PRPF19: variants seen among roughly 807,000 people sequenced by gnomAD.
The protein encoded by PRPF19 is pre-mRNA-processing factor 19.
PRPF19 carries 2 observed loss-of-function variants against 64.2 expected under a neutral mutation model. The observed-to-expected ratio is 0.03, with a 90% confidence interval of 0.01 to 0.10. The LOEUF (loss-of-function observed/expected upper bound fraction) is 0.10. PRPF19 is among the 10% of genes least tolerant of loss of function. The pLI is 1.00. For missense variants in PRPF19, 314 were observed against 650.0 expected, an observed-to-expected ratio of 0.48 and a Z score of 5.62; for synonymous variants, 226 against 251.6, an observed-to-expected ratio of 0.90 and a Z score of 0.96.
At chr11:60,903,379 T>C (rs1222294457) in intron 3 of PRPF19, 80 bp downstream of exon 3, 1 of 1,406,352 alleles carries the variant, frequency 7.1e-7, no homozygotes, top group Non-Finnish European at 9.8e-7. Flanking sequence ...TAATGCTCCA[T>C]CCTTCCTACC....
intron 15 of PRPF19, 49 bp from the exon 16 acceptor site, chr11:60,891,312 G>A: frequency 7.4e-7 from 1 of 1,345,830 alleles, no homozygotes; most frequent in Non-Finnish European, 1.1e-6. Flanking sequence ...TCCTCCTTTA[G>A]TCTGAACACT....
chr11:60,895,592 T>G (rs1375690237), intron 15 of PRPF19, among the ~76,000 whole-genome samples: 1 of 152,224 alleles, frequency 6.6e-6, no homozygotes, highest in African/African-American at 2.4e-5. Context: ...CACTTTTAAT[T>G]TCCTTCAAGA....
Position 60,898,239 on chromosome 11 carries a change from G to C in PRPF19, c.1173C>G (p.His391Gln), listed in dbSNP as rs568382090. The change falls in exon 14 of 16, where the codon CAC becomes CAG. Residue 391 changes from histidine to glutamine, a missense_variant. Coordinates refer to ENST00000227524, the MANE Select transcript of PRPF19 (RefSeq NM_014502.5). The surrounding 1 kb of genome is among the most constrained non-coding windows in gnomAD (Gnocchi z 4.6). ...AGGCGATGCTAGTGATGGGGCCCGA[G>C]TGGCCAGGGAAGTTGGCCACATTAG... ...ERTNVANFPG[H>Q]SGPITSIAFS... 1 of 1,614,046 alleles carries C rather than the reference G, an allele frequency of 6.2e-7. No homozygotes were observed. The highest frequency in any genetic ancestry group is 8.5e-7 in the Non-Finnish European group (1 of 1,180,040).
rs368174610 is a variant in PRPF19, at chr11:60,902,901, T to C, written c.247-20A>G. On this transcript the variant is annotated intron_variant, in intron 3 of 15. Transcript: ENST00000227524. The surrounding 1 kb of genome is among the most constrained non-coding windows in gnomAD (Gnocchi z 5.0). ...TGCATCCTGGGAGAAGCAAATATCA[T>C]TGTAAGGTGAGGTGGGGGGTGCAGG... is the stretch of plus-strand genomic sequence containing the variant. 169 of 1,611,134 alleles carry C rather than the reference T, an allele frequency of 1.0e-4. No individual in the cohort carries two copies. In the African/African-American group the frequency reaches 2.0e-3, roughly 19 times the overall value.
rs2134861010 is a variant in PRPF19 at position 60,898,511 on chromosome 11, G to A, written c.1140+30C>T. 1.2e-6 allele frequency: 2 copies of A among 1,613,822 alleles called. No individual in the cohort carries two copies. The highest frequency in any genetic ancestry group is 3.3e-5 in the Admixed American group (2 of 60,016). ...GTCACAAACACTCCCTCTGGCCCTG[G>A]GCCTCAGATGGAGGCCTACCATGTC... On this transcript the variant is annotated intron_variant, in intron 13 of 15. Transcript: ENST00000227524. The surrounding 1 kb of genome is among the most constrained non-coding windows in gnomAD (Gnocchi z 4.6).
chr11:60,901,614 T>C, intron 6 of PRPF19, 74 bp from the exon 7 acceptor site: 1 of 1,557,246 alleles, frequency 6.4e-7, no homozygotes, highest in Non-Finnish European at 8.8e-7. Flanking sequence ...TGGTCACACC[T>C]GTGCTTTCAA....
chr11:60,898,318 A>T lies in PRPF19; in HGVS notation c.1141-47T>A. On this transcript the variant is annotated intron_variant, in intron 13 of 15. Transcript: ENST00000227524. This position sits in a 1 kb window ranked among gnomAD's most constrained non-coding sequence, Gnocchi z 4.6. Reference sequence around the variant, plus strand: ...AAATACGTCACCCACAGATCATGAGAGGAAGAAAATGGGGCTCACCAAACT... The same window carrying T: ...AAATACGTCACCCACAGATCATGAGTGGAAGAAAATGGGGCTCACCAAACT... The T allele has an allele frequency of 6.3e-7, 1 of 1,595,046 alleles. No individual in the cohort carries two copies. Among genetic ancestry groups the T allele is most frequent in the South Asian group, 1.1e-5 (1 of 88,908 alleles).
chr11:60,893,806 T>A (rs1303303683), intron 15 of PRPF19, among the ~76,000 whole-genome samples: 2 of 151,774 alleles, frequency 1.3e-5, no homozygotes, highest in East Asian at 2.0e-4. Flanking sequence ...AATACAAAAA[T>A]TAGCCGGGTG....
chr11:60,901,267 C>T (rs767435104), intron 8 of PRPF19, 28 bp downstream of exon 8: 10 of 1,612,606 alleles, frequency 6.2e-6, no homozygotes. Context: ...AGGGCTGTCT[C>T]CAAGACAGTG....
chr11:60,900,052 G>A (rs1320670466), intron 10 of PRPF19, among the ~76,000 whole-genome samples: 2 of 152,106 alleles, frequency 1.3e-5, no homozygotes. Context: ...AACCAACCAT[G>A]TCCTGCAGCC....
chr11:60,892,961 C>G (rs578124975), intron 15 of PRPF19, among the ~76,000 whole-genome samples: 1 of 152,174 alleles, frequency 6.6e-6, no homozygotes, highest in South Asian at 2.1e-4. Flanking sequence ...ACCACCACCC[C>G]CTAGAAGCCT....
chr11:60,890,656 T>C lies in PRPF19; in HGVS notation c.*510A>G, dbSNP rs1064530. On this transcript the variant is annotated 3_prime_UTR_variant, in exon 16 of 16. Coordinates refer to ENST00000227524, the MANE Select transcript of PRPF19 (RefSeq NM_014502.5). ...GGCTTCCCGGAAGCCAGTGTCCCAG[T>C]GTGTGCTCCCTCCCCTTGACCTTCC... The C allele has an allele frequency of 2.3e-6, 1 of 431,114 alleles. No homozygotes were observed. Among genetic ancestry groups the C allele is most frequent in the Admixed American group, 2.5e-5 (1 of 40,798 alleles). The allele number at this position is 431,114 out of a possible 1,614,324, so 26.7% of individuals were successfully genotyped here.
At position 60,898,314 on chromosome 11, in the gene PRPF19, T is replaced by C. The variant is rs143194422; in HGVS notation, c.1141-43A>G. ...AGTAAAATACGTCACCCACAGATCA[T>C]GAGAGGAAGAAAATGGGGCTCACCA... On this transcript the variant is annotated intron_variant, in intron 13 of 15. Coordinates refer to ENST00000227524, the MANE Select transcript of PRPF19 (RefSeq NM_014502.5). The surrounding 1 kb of genome is among the most constrained non-coding windows in gnomAD (Gnocchi z 4.6). 5 of 1,597,744 alleles carry C rather than the reference T, an allele frequency of 3.1e-6. No homozygotes were observed. Among genetic ancestry groups the C allele is most frequent in the East Asian group, 2.2e-5 (1 of 44,704 alleles).
rs533523305 is a variant in PRPF19, at chr11:60,902,493, G to C, written c.463-28C>G. ...GAAGAGAAGAAAGGTGAGGGTGAGA[G>C]GCACAGAGCACCAAAGACACCTGCA... is the stretch of plus-strand genomic sequence containing the variant. On this transcript the variant is annotated intron_variant, in intron 5 of 15. Transcript: ENST00000227524. The surrounding 1 kb of genome is among the most constrained non-coding windows in gnomAD (Gnocchi z 5.0). The C allele has an allele frequency of 6.2e-7, 1 of 1,612,926 alleles. No homozygotes were observed. Among genetic ancestry groups the C allele is most frequent in the African/African-American group, 1.3e-5 (1 of 74,994 alleles).
intron 11 of PRPF19, 53 bp downstream of exon 11, chr11:60,899,096 T>C (rs1348189621): frequency 6.4e-7 from 1 of 1,568,034 alleles, no homozygotes; most frequent in Non-Finnish European, 8.7e-7. Flanking sequence ...CCACCCAGGA[T>C]GTTCAAGCTT....
Position 60,898,425 on chromosome 11 carries a change from A to G in PRPF19, c.1140+116T>C. ...GACCACACCATCATATCACACACGC[A>G]CAGCCAGTGTCTCTCCACCTTCAGG... On this transcript the variant is annotated intron_variant, in intron 13 of 15. Coordinates refer to ENST00000227524, the MANE Select transcript of PRPF19 (RefSeq NM_014502.5). The surrounding 1 kb of genome is among the most constrained non-coding windows in gnomAD (Gnocchi z 4.6). 6.4e-7 allele frequency: 1 copy of G among 1,551,684 alleles called. No individual in the cohort carries two copies. The highest frequency in any genetic ancestry group is 8.7e-7 in the Non-Finnish European group (1 of 1,144,134).
chr11:60,892,172 C>T (rs190681630), intron 15 of PRPF19, among the ~76,000 whole-genome samples: 1 of 152,228 alleles, frequency 6.6e-6, no homozygotes, highest in Admixed American at 6.5e-5. Context: ...GGGAAAGTCA[C>T]GTACCCAGGG....
intron 15 of PRPF19, among the ~76,000 whole-genome samples, chr11:60,895,018 T>C (rs962009913): frequency 1.3e-5 from 2 of 152,174 alleles, no homozygotes; most frequent in African/African-American, 2.4e-5. Flanking sequence ...ACAGGCAGAG[T>C]AGATTTAGCC....
intron 15 of PRPF19, among the ~76,000 whole-genome samples, chr11:60,894,772 T>C (rs1452189840): frequency 2.0e-5 from 3 of 152,236 alleles, no homozygotes; most frequent in Non-Finnish European, 4.4e-5. Flanking sequence ...ATGTATTTCT[T>C]AAGTAATAAG....
Sources: allele counts gnomAD v4.1 joint callset (sites outside exome capture counted in the v4.1 genomes callset), GRCh38; gene constraint gnomAD v4.1.1; non-coding constraint Gnocchi (gnomAD v3.1); transcripts MANE v1.5; gene names NCBI Gene and HGNC (gene_info 2026-07-23, HGNC 2026-07-21).